Variants in NOSTRIN observed in about 807,000 individuals in gnomAD.
The protein encoded by NOSTRIN is nitric oxide synthase trafficking, also known as BM247 homolog.
In NOSTRIN, 63 loss-of-function variants were observed where a neutral mutation model predicts 59.0. The ratio of observed to expected loss-of-function variants is 1.07; its 90% CI spans 0.87 to 1.32. The LOEUF (loss-of-function observed/expected upper bound fraction) is 1.32, where lower values mean the gene tolerates loss of function less well. Among genes scored for constraint, NOSTRIN ranks in the 40% most tolerant of loss-of-function variants. NOSTRIN has a pLI of 0.00. For missense variants in NOSTRIN, 512 were observed against 473.1 expected, an observed-to-expected ratio of 1.08 and a Z score of -0.76; for synonymous variants, 200 against 165.4, an observed-to-expected ratio of 1.21 and a Z score of -1.61.
In NOSTRIN at chr2:168,828,234, C is replaced by T; in HGVS notation, c.260+14C>T. ...GGACCTGCATCAGTGAGTTCTCCCACCCTGGCCTTTCTCCAACTCCAAAGG... is the reference window on the plus strand; with the variant it reads ...GGACCTGCATCAGTGAGTTCTCCCATCCTGGCCTTTCTCCAACTCCAAAGG... On this transcript the variant is annotated intron_variant, in intron 4 of 15. Coordinates refer to ENST00000317647, the MANE Select transcript of NOSTRIN (RefSeq NM_001039724.4). 1.1e-6 allele frequency: 1 copy of T among 872,964 alleles called. No homozygotes were observed. The highest frequency in any genetic ancestry group is 2.0e-6 in the Non-Finnish European group (1 of 501,662). The allele number at this position is 872,964 out of a possible 1,614,324, so 54.1% of individuals were successfully genotyped here.
upstream of NOSTRIN, among the ~76,000 whole-genome samples, chr2:168,797,524 G>A (rs1008555391): frequency 2.0e-5 from 3 of 152,168 alleles, no homozygotes; most frequent in Non-Finnish European, 4.4e-5. Flanking sequence ...TTGGAAATAA[G>A]TAAAAGTCAG....
chr2:168,865,058 T>C lies in NOSTRIN; in HGVS notation c.*88T>C, dbSNP rs963243019. On this transcript the variant is annotated 3_prime_UTR_variant, in exon 16 of 16. Coordinates refer to ENST00000317647, the MANE Select transcript of NOSTRIN (RefSeq NM_001039724.4). ...AGAATAAAGTGCTCTTACCTTTACA[T>C]GTTTTTCTTTTGAAATGGATGGAGT... The C allele has an allele frequency of 7.0e-6, 10 of 1,433,620 alleles. No homozygotes were observed. Among genetic ancestry groups the C allele is most frequent in the African/African-American group, 5.7e-5 (4 of 70,294 alleles). The allele number at this position is 1,433,620 out of a possible 1,614,324, so 88.8% of individuals were successfully genotyped here.
At chr2:168,830,482 C>A (rs548308350) in intron 5 of NOSTRIN, among the ~76,000 whole-genome samples, 417 of 152,234 alleles carry the variant, frequency 2.7e-3, no homozygotes, top group Non-Finnish European at 4.9e-3. Flanking sequence ...TTACAATGAA[C>A]CATATACTCT....
chr2:168,835,029 C>A (rs1687636008), intron 7 of NOSTRIN, among the ~76,000 whole-genome samples: 2 of 151,934 alleles, frequency 1.3e-5, no homozygotes, highest in African/African-American at 4.8e-5. Context: ...CAAGGTTCAG[C>A]CTTAACTATA....
At chr2:168,803,092 C>G (rs944931809) in intron 1 of NOSTRIN, among the ~76,000 whole-genome samples, 1 of 151,986 alleles carries the variant, frequency 6.6e-6, no homozygotes, top group East Asian at 1.9e-4. Flanking sequence ...GCCTTTTCAC[C>G]CTCATTTTTT....
chr2:168,811,131 A>G (rs768138414), intron 1 of NOSTRIN, among the ~76,000 whole-genome samples: 18 of 152,186 alleles, frequency 1.2e-4, no homozygotes, highest in Non-Finnish European at 2.5e-4. Flanking sequence ...CAGACAAGAA[A>G]GGCTCACTCT....
rs1217467968 is a variant in NOSTRIN, at chr2:168,839,919, ATATGTG to A, written c.505-3071_505-3066del. ...AAAAAAAATATATATATATATATATATATGTGTGTGTGTGTGTGTGTATGAGTATAC... is the reference window on the plus strand; with the variant it reads ...AAAAAAAATATATATATATATATATATGTGTGTGTGTGTGTATGAGTATAC... On this transcript the variant is annotated intron_variant, in intron 7 of 15. Coordinates refer to ENST00000317647, the MANE Select transcript of NOSTRIN (RefSeq NM_001039724.4). Among the ~76,000 whole-genome samples, 149 of 93,574 alleles carry A rather than the reference ATATGTG, an allele frequency of 1.6e-3. 1 individual carries two copies. The highest frequency in any genetic ancestry group is 3.0e-3 in the African/African-American group (66 of 22,354). 61.4% of individuals were successfully genotyped at this position (93,574 alleles called of 152,430 possible).
intron 6 of NOSTRIN, among the ~76,000 whole-genome samples, chr2:168,832,796 T>A (rs534709917): frequency 4.8e-4 from 73 of 152,272 alleles, no homozygotes; most frequent in African/African-American, 1.7e-3. Flanking sequence ...GTATTTTTTT[T>A]AAAGAAATAG....
rs546869284 is a variant in NOSTRIN, at chr2:168,822,951, T to C, written c.114-1683T>C. On this transcript the variant is annotated intron_variant, in intron 2 of 15. Transcript: ENST00000317647. ...GATTATAATCTAGAGCTAATCTGAT[T>C]AGTGCTAATATCCCGAGATCAGTAG... 1.2e-4 allele frequency among the ~76,000 whole-genome samples: 19 copies of C among 152,376 alleles called. No homozygotes were observed. The South Asian group carries it at 3.7e-3, about 30-fold the overall frequency.
upstream of NOSTRIN, chr2:168,802,612 G>T (rs577556073): frequency 5.8e-6 from 5 of 865,330 alleles, no homozygotes; most frequent in East Asian, 1.2e-4. Flanking sequence ...ATGCTGGAGC[G>T]TAGGTGAAAG....
chr2:168,834,507 G>GCGCACACATACA (rs756381301), intron 7 of NOSTRIN, among the ~76,000 whole-genome samples, 182 bp downstream of exon 7: 1 of 125,342 alleles, frequency 8.0e-6, no homozygotes, highest in Non-Finnish European at 1.7e-5. Flanking sequence ...GCGCGCGCGC[G>GCGCACACATACA]CACACACACA....
At chr2:168,847,490 G>A (rs563471218) in intron 8 of NOSTRIN, among the ~76,000 whole-genome samples, 1 of 152,256 alleles carries the variant, frequency 6.6e-6, no homozygotes, top group South Asian at 2.1e-4. Flanking sequence ...TCTAGAAAGA[G>A]CATATTTCTT....
Position 168,863,660 on chromosome 2 carries a change from G to T in NOSTRIN, c.1385-1174G>T, listed in dbSNP as rs537495698. ...ATTTTGAATGGGGAGTTACATTTCTGTGCAAAGCTGTGAGTGAGTTAAACT... is the reference window on the plus strand; with the variant it reads ...ATTTTGAATGGGGAGTTACATTTCTTTGCAAAGCTGTGAGTGAGTTAAACT... On this transcript the variant is annotated intron_variant, in intron 15 of 15. Coordinates refer to ENST00000317647, the MANE Select transcript of NOSTRIN (RefSeq NM_001039724.4). 4,365 of 878,040 alleles carry T rather than the reference G, an allele frequency of 5.0e-3. 155 individuals are homozygous for T. The African/African-American group carries it at 0.16, about 32-fold the overall frequency. The allele number at this position is 878,040 out of a possible 1,614,324, so 54.4% of individuals were successfully genotyped here.
At chr2:168,862,079 C>A in intron 15 of NOSTRIN, 30 bp downstream of exon 15, 1 of 1,578,488 alleles carries the variant, frequency 6.3e-7, no homozygotes, top group Non-Finnish European at 8.7e-7. Flanking sequence ...ATTTTAATTG[C>A]CTTCCCATAT....
At chr2:168,844,536 A>T (rs13402157) in intron 8 of NOSTRIN, among the ~76,000 whole-genome samples, 5,191 of 152,228 alleles carry the variant, frequency 0.034, 277 homozygotes, top group African/African-American at 0.12. Context: ...TAATCATGAC[A>T]TTATGAGAAC....
intron 7 of NOSTRIN, among the ~76,000 whole-genome samples, chr2:168,837,524 T>C (rs911416846): frequency 2.0e-5 from 3 of 152,040 alleles, no homozygotes; most frequent in Admixed American, 2.0e-4. Context: ...TTAGCTAGGA[T>C]AGTCTCGATC....
Position 168,860,821 on chromosome 2 carries a change from A to G in NOSTRIN, c.1206A>G (p.Ile402Met). ...AGCATACTCATAGCTATGTGAAAAT[A>G]TCTCGGCCTTTTTTAATGAAGAGAT... is the stretch of plus-strand genomic sequence containing the variant. ...EKEHTHSYVK[I>M]SRPFLMKRLE... The change falls in exon 14 of 16, where the codon ATA (isoleucine) becomes ATG (methionine). Residue 402 changes from isoleucine (I) to methionine (M), a missense_variant. Transcript: ENST00000317647. The G allele has an allele frequency of 1.2e-6, 2 of 1,612,814 alleles. No individual in the cohort carries two copies. The highest frequency in any genetic ancestry group is 1.7e-6 in the Non-Finnish European group (2 of 1,178,806).
At chr2:168,864,687 G>C in intron 15 of NOSTRIN, 147 bp from the exon 16 acceptor site, 1 of 772,894 alleles carries the variant, frequency 1.3e-6, no homozygotes, top group Non-Finnish European at 2.1e-6. Context: ...ACAGGTGTTC[G>C]ATACATTTGG....
chr2:168,856,430 C>A (rs532324519), intron 11 of NOSTRIN: 2 of 410,436 alleles, frequency 4.9e-6, no homozygotes, highest in Non-Finnish European at 8.9e-6. Flanking sequence ...CGAAAATTAG[C>A]CGGACATGGT....
Sources: allele counts gnomAD v4.1 joint callset (sites outside exome capture counted in the v4.1 genomes callset), GRCh38; gene constraint gnomAD v4.1.1; transcripts MANE v1.5; gene names NCBI Gene and HGNC (gene_info 2026-07-23, HGNC 2026-07-21).